Variants in ACOT11 observed in about 807,000 individuals in gnomAD.
ACOT11 encodes the protein acyl-coenzyme A thioesterase 11.
ACOT11 carries 69 observed loss-of-function variants against 77.5 expected under a neutral mutation model. The ratio of observed to expected loss-of-function variants is 0.89; its 90% CI spans 0.73 to 1.09. The LOEUF is 1.09. Among genes scored for constraint, ACOT11 ranks in the 50% least tolerant of loss-of-function variants. The pLI is 0.00. For synonymous variants in ACOT11, 279 were observed against 313.0 expected, an observed-to-expected ratio of 0.89 and a Z score of 1.15; for missense variants, 766 against 813.7, an observed-to-expected ratio of 0.94 and a Z score of 0.71.
At chr1:54,633,163 C>A (rs768813196) in intron 16 of ACOT11, among the ~76,000 whole-genome samples, 15 of 152,188 alleles carry the variant, frequency 9.9e-5, no homozygotes, top group Non-Finnish European at 1.9e-4. Flanking sequence ...CATTGTTAAG[C>A]CTCCAGAACC....
chr1:54,586,318 CT>C (rs111493651), intron 3 of ACOT11, among the ~76,000 whole-genome samples: 59,425 of 150,702 alleles, frequency 0.39, 13,897 homozygotes, highest in Non-Finnish European at 0.54. Flanking sequence ...GGGAGGCCCC[CT>C]AGACAAGGTG....
At chr1:54,595,826 C>G (rs1454939967) in intron 6 of ACOT11, among the ~76,000 whole-genome samples, 1 of 152,164 alleles carries the variant, frequency 6.6e-6, no homozygotes, top group Admixed American at 6.5e-5. Flanking sequence ...CCAGAATGTT[C>G]AAATTTGAGT....
chr1:54,550,802 G>A (rs1196616177), intron 1 of ACOT11, among the ~76,000 whole-genome samples: 3 of 151,976 alleles, frequency 2.0e-5, no homozygotes, highest in Non-Finnish European at 4.4e-5. Context: ...TAGCCTGGAT[G>A]ACAGAGTGAG....
At chr1:54,563,574 C>T (rs1240349222) in intron 1 of ACOT11, among the ~76,000 whole-genome samples, 1 of 152,178 alleles carries the variant, frequency 6.6e-6, no homozygotes, top group Non-Finnish European at 1.5e-5. Flanking sequence ...TGAGATGTGG[C>T]CCCTGTCTTC....
intron 1 of ACOT11, among the ~76,000 whole-genome samples, chr1:54,568,112 G>C (rs416194): frequency 0.29 from 44,672 of 151,910 alleles, 9,137 homozygotes; most frequent in African/African-American, 0.57. Context: ...TTTTTGCACT[G>C]TCTGTTCTCT....
At position 54,616,083 on chromosome 1, in the gene ACOT11, T is replaced by TG. The variant is rs749953492; in HGVS notation, c.1629+8022dup. ...TCCAGTGTGTTGTCACTGTAGATAG[T>TG]GGGGGGGTGTGCCATGATGGGAACT... On this transcript the variant is annotated intron_variant, in intron 15 of 16. Transcript: ENST00000371316. 173 of 1,613,934 alleles carry TG rather than the reference T, an allele frequency of 1.1e-4. No individual in the cohort carries two copies. The Admixed American group carries it at 1.6e-3, about 15-fold the overall frequency.
chr1:54,599,441 A>AC (rs772749250), intron 8 of ACOT11, 26 bp downstream of exon 8: 1 of 1,584,726 alleles, frequency 6.3e-7, no homozygotes, highest in African/African-American at 1.3e-5. Flanking sequence ...GGGTGCGGCC[A>AC]CGTCCATTCA....
chr1:54,576,513 A>AG (rs1654120862), intron 1 of ACOT11, among the ~76,000 whole-genome samples: 3 of 149,206 alleles, frequency 2.0e-5, no homozygotes, highest in Non-Finnish European at 4.4e-5. Context: ...AAAAAAAAAA[A>AG]GCAAAGCAGA....
chr1:54,567,670 C>T (rs1259942594), intron 1 of ACOT11, among the ~76,000 whole-genome samples: 6 of 152,160 alleles, frequency 3.9e-5, no homozygotes, highest in Non-Finnish European at 5.9e-5. Context: ...CTACACTGCC[C>T]GCAGGTGTAG....
chr1:54,548,256 G>C lies in ACOT11; in HGVS notation c.-54G>C. 2 of 1,569,172 alleles carry C rather than the reference G, an allele frequency of 1.3e-6. No homozygotes were observed. Among genetic ancestry groups the C allele is most frequent in the Non-Finnish European group, 8.6e-7 (1 of 1,157,212 alleles). ...TGGAGTCAGGCCTGGCTGTTGCTCAGGTGACCAGCTTGTGTCTCTGGGAGG... is the reference window on the plus strand; with the variant it reads ...TGGAGTCAGGCCTGGCTGTTGCTCACGTGACCAGCTTGTGTCTCTGGGAGG... On this transcript the variant is annotated 5_prime_UTR_variant, in exon 1 of 16. Coordinates refer to ENST00000343744, the MANE Select transcript of ACOT11 (RefSeq NM_147161.4).
At chr1:54,602,201 G>C (rs923328759) in intron 9 of ACOT11, among the ~76,000 whole-genome samples, 1 of 152,194 alleles carries the variant, frequency 6.6e-6, no homozygotes, top group Admixed American at 6.5e-5. Flanking sequence ...TCCTGGCCTC[G>C]GCCCTTACCC....
rs143819735 is a variant in ACOT11 at position 54,619,380 on chromosome 1, G to A, written c.1629+11312G>A. 6.9e-4 allele frequency among the ~76,000 whole-genome samples: 105 copies of A among 152,330 alleles called. No homozygotes were observed. In the South Asian group the frequency reaches 8.7e-3, roughly 13 times the overall value. On this transcript the variant is annotated intron_variant, in intron 15 of 16. Transcript: ENST00000371316. ...GTTGGCTTAACTGCTTTCAGACAGT[G>A]TAACCTTGGCTAAGTCACCTAACTT... is the stretch of plus-strand genomic sequence containing the variant.
chr1:54,554,129 T>C (rs1036029052), intron 1 of ACOT11, among the ~76,000 whole-genome samples: 4 of 151,558 alleles, frequency 2.6e-5, no homozygotes, highest in Admixed American at 6.6e-5. Flanking sequence ...GCTGAAGTTA[T>C]TGCATTTCAG....
chr1:54,608,992 C>T lies in ACOT11; in HGVS notation c.1665C>T (p.Leu555=), dbSNP rs147568041. Residue 555 remains leucine, a synonymous_variant, in exon 16 of 16, where the codon CTC becomes CTT. Coordinates refer to ENST00000343744, the MANE Select transcript of ACOT11 (RefSeq NM_147161.4). ...ACAACCAGGCCACCCCAGGTGTTCT[C>T]AACTATGTGACCACCAACGTGGCCG... is the stretch of plus-strand genomic sequence containing the variant. The part of the protein sequence containing the change: ...SYYNQATPGV[L]NYVTTNVAGL... The T allele has an allele frequency of 1.2e-6, 2 of 1,614,114 alleles. No individual in the cohort carries two copies. The highest frequency in any genetic ancestry group is 4.5e-5 in the East Asian group (2 of 44,860).
In ACOT11 at chr1:54,615,987, G is replaced by A. The variant is rs755812938; in HGVS notation, c.1629+7919G>A. On this transcript the variant is annotated intron_variant, in intron 15 of 16. Transcript: ENST00000371316. ...ATGCTGCCCCAGGGCCAGAGGGCTG[G>A]GGGCCGGAGAGGGTTTCCAGAGAGG... 8 of 1,609,798 alleles carry A rather than the reference G, an allele frequency of 5.0e-6. No individual in the cohort carries two copies. The East Asian group carries it at 1.8e-4, about 36-fold the overall frequency.
intron 1 of ACOT11, among the ~76,000 whole-genome samples, chr1:54,553,925 G>GT (rs2100936234): frequency 6.6e-6 from 1 of 152,230 alleles, no homozygotes; most frequent in African/African-American, 2.4e-5. Context: ...CATAATCCCA[G>GT]TACTTCGGGA....
chr1:54,632,782 C>T (rs1330742085), intron 16 of ACOT11, among the ~76,000 whole-genome samples: 2 of 152,158 alleles, frequency 1.3e-5, no homozygotes, highest in African/African-American at 4.8e-5. Context: ...TGGCTGTCTG[C>T]GTGGCCAATT....
intron 2 of ACOT11, among the ~76,000 whole-genome samples, chr1:54,585,347 AC>A (rs1654460795): frequency 1.3e-5 from 2 of 152,022 alleles, no homozygotes; most frequent in African/African-American, 4.8e-5. Context: ...AGAGGCCCTG[AC>A]CCAGGCCTGG....
chr1:54,572,565 C>T (rs1395410179), intron 1 of ACOT11, among the ~76,000 whole-genome samples: 2 of 151,982 alleles, frequency 1.3e-5, no homozygotes, highest in African/African-American at 4.8e-5. Context: ...AAGCAGCTCC[C>T]CTGAGGGGGG....
Sources: gnomAD v4.1 joint callset for allele counts (sites outside exome capture counted in the v4.1 genomes callset) on GRCh38, gnomAD v4.1.1 for gene constraint, MANE v1.5 for transcripts, NCBI Gene and HGNC (gene_info 2026-07-23, HGNC 2026-07-21) for gene names.